The following CATSPERB variants were observed in gnomAD, a reference collection of about 807,000 sequenced individuals.
CATSPERB encodes catsper channel auxiliary subunit beta, also known as cation channel sperm-associated auxiliary subunit beta.
CATSPERB carries 93 observed loss-of-function variants against 128.3 expected under a neutral mutation model. That is an observed-to-expected ratio of 0.72 (90% CI 0.61 to 0.86). CATSPERB has a LOEUF of 0.86. Among genes scored for constraint, CATSPERB ranks in the 40% least tolerant of loss-of-function variants. CATSPERB has a pLI of 0.00. For missense variants in CATSPERB, 1,153 were observed against 1,329.5 expected (o/e 0.87, Z 2.06); for synonymous variants, 381 against 448.8 (o/e 0.85, Z 1.91).
In CATSPERB at chr14:91,727,798, T is replaced by C. The variant is rs1369050697; in HGVS notation, c.79+1603A>G. ...CTGAGCCATTAAGGCTCAAATGGGT[T>C]GAGCTGGATTTAGATGTTATTTTAT... On this transcript the variant is annotated intron_variant, in intron 2 of 26. Transcript: ENST00000256343. 3.3e-5 allele frequency among the ~76,000 whole-genome samples: 5 copies of C among 151,234 alleles called. 1 individual carries two copies. The highest frequency in any genetic ancestry group is 3.3e-4 in the Admixed American group (5 of 15,236).
chr14:91,668,902 C>T lies in CATSPERB; in HGVS notation c.1287+912G>A, dbSNP rs369680425. ...TCTTTAAGAGCTGTAACACTCACCG[C>T]GAGGGTCCGCAGATTCATTCTTGAA... On this transcript the variant is annotated intron_variant, in intron 14 of 26. Transcript: ENST00000256343. Among the ~76,000 whole-genome samples the T allele has an allele frequency of 3.2e-4, 49 of 152,180 alleles. 1 individual carries two copies. The highest frequency in any genetic ancestry group is 1.0e-4 in the Non-Finnish European group (7 of 68,026).
intron 22 of CATSPERB, among the ~76,000 whole-genome samples, chr14:91,602,889 A>G (rs1480483705): frequency 6.6e-6 from 1 of 152,098 alleles, no homozygotes; most frequent in Non-Finnish European, 1.5e-5. Context: ...GTTCTGCAGC[A>G]TCATTGTCAT....
chr14:91,594,757 A>T (rs1893474304), intron 22 of CATSPERB, among the ~76,000 whole-genome samples: 1 of 152,172 alleles, frequency 6.6e-6, no homozygotes, highest in Admixed American at 6.5e-5. Context: ...ATAAAAAATT[A>T]AAAAAAGAAC....
At position 91,624,174 on chromosome 14, in the gene CATSPERB, C is replaced by T. The variant is rs539787657; in HGVS notation, c.1930+646G>A. 7.6e-4 allele frequency among the ~76,000 whole-genome samples: 116 copies of T among 152,234 alleles called. 1 individual carries two copies. The South Asian group carries it at 0.024, about 31-fold the overall frequency. On this transcript the variant is annotated intron_variant, in intron 18 of 26. Transcript: ENST00000256343. ...ACCAGCCTGGCTAACAAGGTGAAACCCCGTCTCCTAAAAAGACAAAAATTA... is the reference window on the plus strand; with the variant it reads ...ACCAGCCTGGCTAACAAGGTGAAACTCCGTCTCCTAAAAAGACAAAAATTA...
chr14:91,687,389 G>A (rs577918561), intron 10 of CATSPERB, among the ~76,000 whole-genome samples: 59 of 152,280 alleles, frequency 3.9e-4, no homozygotes, highest in African/African-American at 1.3e-3. Flanking sequence ...CTTATTTGAT[G>A]TGGGGGTGAT....
At position 91,704,688 on chromosome 14, in the gene CATSPERB, C is replaced by G. The variant is rs1461142450; in HGVS notation, c.480G>C (p.Gln160His). ...LLDVIREPILQWTPGDVIPES... is the reference protein window; with the variant it reads ...LLDVIREPILHWTPGDVIPES... ...CTGGAATCACATCCCCAGGAGTCCACTGAAGAATCGGTTCTGTGGAAATCA... is the reference window on the plus strand; with the variant it reads ...CTGGAATCACATCCCCAGGAGTCCAGTGAAGAATCGGTTCTGTGGAAATCA... Residue 160 changes from glutamine to histidine, a missense_variant, in exon 7 of 27, where the codon CAG becomes CAC. Coordinates refer to ENST00000256343, the MANE Select transcript of CATSPERB (RefSeq NM_024764.4). The G allele has an allele frequency of 6.2e-7, 1 of 1,613,240 alleles. No individual in the cohort carries two copies. The highest frequency in any genetic ancestry group is 1.7e-5 in the Admixed American group (1 of 59,884).
At chr14:91,642,713 G>T (rs1894519262) in intron 15 of CATSPERB, among the ~76,000 whole-genome samples, 1 of 136,192 alleles carries the variant, frequency 7.3e-6, no homozygotes, top group South Asian at 2.7e-4. Flanking sequence ...TCAGAAGGAT[G>T]CTGGCCTCAT....
chr14:91,602,246 A>T (rs948155767), intron 22 of CATSPERB, among the ~76,000 whole-genome samples: 2 of 152,182 alleles, frequency 1.3e-5, no homozygotes, highest in African/African-American at 4.8e-5. Flanking sequence ...CTATCTCACA[A>T]TTCTGTACTT....
rs141694374 is a variant in CATSPERB, at chr14:91,659,956, T to C, written c.1313A>G (p.Asn438Ser). ...NQIWLSVDGG[N>S]TFQLIANFHD... Reference sequence around the variant, plus strand: ...AAAGTTAGCTATTAATTGAAAGGTGTTGCCGCCATCAACTGAAAGCCATAT... The same window carrying C: ...AAAGTTAGCTATTAATTGAAAGGTGCTGCCGCCATCAACTGAAAGCCATAT... The change falls in exon 15 of 27, where the codon AAC becomes AGC. Residue 438 changes from asparagine to serine, a missense_variant. Physicochemically the swap from Asn to Ser is conservative, Grantham distance 46. Transcript: ENST00000256343. 3 of 1,589,508 alleles carry C rather than the reference T, an allele frequency of 1.9e-6. No homozygotes were observed. Among genetic ancestry groups the C allele is most frequent in the African/African-American group, 2.7e-5 (2 of 72,854 alleles).
intron 15 of CATSPERB, among the ~76,000 whole-genome samples, chr14:91,640,728 A>C (rs1390162656): frequency 4.4e-5 from 3 of 68,734 alleles, no homozygotes; most frequent in Admixed American, 1.7e-4. Flanking sequence ...TCTTTATAGC[A>C]ACATGATTTA....
rs1306739395 is a variant in CATSPERB at position 91,708,194 on chromosome 14, T to A, written c.413A>T (p.His138Leu). 2 of 1,611,668 alleles carry A rather than the reference T, an allele frequency of 1.2e-6. No homozygotes were observed. Among genetic ancestry groups the A allele is most frequent in the Non-Finnish European group, 1.7e-6 (2 of 1,178,756 alleles). Reference sequence around the variant, plus strand: ...AGTAGCATAAATATTTAGTCCATGATGTAAAGTGATTCTTACTAACCATTC... The same window carrying A: ...AGTAGCATAAATATTTAGTCCATGAAGTAAAGTGATTCTTACTAACCATTC... ...VEEWLVRITL[H>L]HGLNIYATEG... Residue 138 changes from histidine to leucine, a missense_variant, in exon 6 of 27, where the codon CAT becomes CTT. His to Leu is a moderately conservative substitution (Grantham distance 99). Transcript: ENST00000256343.
chr14:91,629,556 G>A (rs963044962), intron 17 of CATSPERB, among the ~76,000 whole-genome samples: 1 of 152,218 alleles, frequency 6.6e-6, no homozygotes, highest in Non-Finnish European at 1.5e-5. Flanking sequence ...AGGTTCATGA[G>A]CTGTAACAAA....
chr14:91,704,041 C>G (rs747533442), intron 7 of CATSPERB, among the ~76,000 whole-genome samples: 1 of 152,022 alleles, frequency 6.6e-6, no homozygotes, highest in Non-Finnish European at 1.5e-5. Context: ...TCATAGGACA[C>G]CTACTCGGTC....
Position 91,716,717 on chromosome 14 carries a change from A to G in CATSPERB, c.370+2701T>C, listed in dbSNP as rs866930559. On this transcript the variant is annotated intron_variant, in intron 5 of 26. Transcript: ENST00000256343. ...TGCATACATATTTACAAGCATACAC[A>G]CACACACACACACACACACACACAC... Among the ~76,000 whole-genome samples, 340 of 136,194 alleles carry G rather than the reference A, an allele frequency of 2.5e-3. 1 individual carries two copies. Among genetic ancestry groups the G allele is most frequent in the African/African-American group, 9.5e-3 (283 of 29,862 alleles). 89.3% of individuals were successfully genotyped at this position (136,194 alleles called of 152,430 possible).
chr14:91,722,006 T>G (rs761495175), intron 4 of CATSPERB, among the ~76,000 whole-genome samples: 64 of 152,150 alleles, frequency 4.2e-4, no homozygotes, highest in Non-Finnish European at 8.4e-4. Context: ...GTTCAAATCC[T>G]GCCTGGGCAA....
chr14:91,642,670 CT>C (rs1464197296), intron 15 of CATSPERB, among the ~76,000 whole-genome samples: 2 of 103,292 alleles, frequency 1.9e-5, no homozygotes, highest in Non-Finnish European at 3.9e-5. Flanking sequence ...CTAAAATTCT[CT>C]TTTTTGGTTG....
chr14:91,697,815 T>C (rs144469859), intron 7 of CATSPERB, among the ~76,000 whole-genome samples: 60 of 152,340 alleles, frequency 3.9e-4, no homozygotes, highest in African/African-American at 1.4e-3. Context: ...GGTAATGTGA[T>C]ACCTCAGGCT....
chr14:91,663,471 C>T (rs2750476), intron 14 of CATSPERB, among the ~76,000 whole-genome samples: 28,155 of 151,640 alleles, frequency 0.19, 2,784 homozygotes, highest in South Asian at 0.24. Flanking sequence ...CGGTGAAACC[C>T]TGTCTCTACT....
At chr14:91,667,501 G>A (rs1297511054) in intron 14 of CATSPERB, among the ~76,000 whole-genome samples, 2 of 152,140 alleles carry the variant, frequency 1.3e-5, no homozygotes, top group African/African-American at 4.8e-5. Context: ...TAAAAGGCAG[G>A]GTAAATTTCT....
Sources: gnomAD v4.1 joint callset for allele counts (sites outside exome capture counted in the v4.1 genomes callset) on GRCh38, gnomAD v4.1.1 for gene constraint, MANE v1.5 for transcripts, NCBI Gene and HGNC (gene_info 2026-07-23, HGNC 2026-07-21) for gene names.